TAOK3: variants seen among roughly 807,000 people sequenced by gnomAD.
TAOK3 encodes serine/threonine-protein kinase TAO3.
TAOK3 carries 40 observed loss-of-function variants against 120.4 expected under a neutral mutation model. The ratio of observed to expected loss-of-function variants is 0.33; its 90% CI spans 0.26 to 0.43. The LOEUF (loss-of-function observed/expected upper bound fraction) is 0.43. Among genes scored for constraint, TAOK3 ranks in the 20% least tolerant of loss-of-function variants. The pLI, the probability that TAOK3 is intolerant of heterozygous loss-of-function variation, is 1.00. For synonymous variants in TAOK3, 355 were observed against 387.5 expected, an observed-to-expected ratio of 0.92 and a Z score of 0.99; for missense variants, 821 against 1,112.1, an observed-to-expected ratio of 0.74 and a Z score of 3.72.
chr12:118,225,355 A>G (rs2039451186), intron 9 of TAOK3, among the ~76,000 whole-genome samples: 2 of 150,520 alleles, frequency 1.3e-5, no homozygotes, highest in South Asian at 4.2e-4. Flanking sequence ...ATCATTGCTT[A>G]GGGAATATTT....
intron 3 of TAOK3, 113 bp downstream of exon 3, chr12:118,255,335 C>T: frequency 1.7e-6 from 2 of 1,155,410 alleles, no homozygotes; most frequent in Non-Finnish European, 2.4e-6. Context: ...CTGGTCTTTC[C>T]TCCCACCTTG....
chr12:118,195,579 T>C (rs1351468910), intron 13 of TAOK3, among the ~76,000 whole-genome samples: 2 of 152,140 alleles, frequency 1.3e-5, no homozygotes, highest in Non-Finnish European at 1.5e-5. Flanking sequence ...ACAGACACTG[T>C]GCTACGTGGT....
chr12:118,297,850 G>C (rs2140640880), intron 1 of TAOK3, among the ~76,000 whole-genome samples: 1 of 152,272 alleles, frequency 6.6e-6, no homozygotes, highest in Non-Finnish European at 1.5e-5. Context: ...AGTACTCCCA[G>C]TCACTCAGGA....
intron 20 of TAOK3, 61 bp from the exon 21 acceptor site, chr12:118,151,219 C>A: frequency 6.4e-7 from 1 of 1,568,518 alleles, no homozygotes. Flanking sequence ...CCCACGTGCA[C>A]GCGATACACC....
intron 11 of TAOK3, among the ~76,000 whole-genome samples, chr12:118,208,057 T>C (rs769449230): frequency 7.9e-5 from 12 of 152,216 alleles, no homozygotes; most frequent in Non-Finnish European, 1.5e-4. Context: ...TAAGAAATGT[T>C]ATTGTCCATC....
chr12:118,245,884 AATATG>A (rs2140034739), intron 3 of TAOK3, among the ~76,000 whole-genome samples: 1 of 152,366 alleles, frequency 6.6e-6, no homozygotes, highest in African/African-American at 2.4e-5. Context: ...TAAATAAATA[AATATG>A]ATATGACCAT....
At position 118,150,823 on chromosome 12, in the gene TAOK3, C is replaced by G; in HGVS notation, c.*174G>C. On this transcript the variant is annotated 3_prime_UTR_variant, in exon 21 of 21. Coordinates refer to ENST00000392533, the MANE Select transcript of TAOK3 (RefSeq NM_016281.4). ...AGTTGACACGGGGGGAGGAAGGGGG[C>G]CCCTGATGGAGTAAGAATAAACAGG... 1.4e-6 allele frequency: 1 copy of G among 718,134 alleles called. No homozygotes were observed. The highest frequency in any genetic ancestry group is 2.2e-6 in the Non-Finnish European group (1 of 459,356). 44.5% of individuals were successfully genotyped at this position (718,134 alleles called of 1,614,324 possible).
intron 1 of TAOK3, among the ~76,000 whole-genome samples, chr12:118,351,713 G>A (rs1430800483): frequency 1.3e-5 from 2 of 151,936 alleles, no homozygotes; most frequent in African/African-American, 4.8e-5. Flanking sequence ...CTTGCCTAAT[G>A]GAATTCCCTA....
intron 9 of TAOK3, among the ~76,000 whole-genome samples, chr12:118,215,445 G>A (rs887607680): frequency 6.6e-6 from 1 of 151,676 alleles, no homozygotes; most frequent in Non-Finnish European, 1.5e-5. Context: ...CCGAGAGGCA[G>A]AGCTTGCAGT....
chr12:118,151,146 G>T lies in TAOK3; in HGVS notation c.2548C>A (p.Leu850Met). The change falls in exon 21 of 21, where the codon CTG (leucine) becomes ATG (methionine). Residue 850 changes from leucine (L) to methionine (M), a missense_variant. Physicochemically the swap from Leu to Met is conservative, Grantham distance 15. This residue lies in a region of TAOK3 where 354 missense variants were observed against 572.1 expected (regional missense o/e 0.62). Coordinates refer to ENST00000392533, the MANE Select transcript of TAOK3 (RefSeq NM_016281.4). Reference protein sequence around the residue: ...AHLEQKIEEELAALQKERSER... With the variant: ...AHLEQKIEEEMAALQKERSER... Reference sequence around the variant, plus strand: ...CTGCGTTCCTTCTGAAGGGCAGCCAGCTCCTCTTCAATCTGAAAGAAGCAC... The same window carrying T: ...CTGCGTTCCTTCTGAAGGGCAGCCATCTCCTCTTCAATCTGAAAGAAGCAC... The T allele has an allele frequency of 6.2e-7, 1 of 1,612,258 alleles. No individual in the cohort carries two copies.
chr12:118,180,838 C>A (rs1436581650), intron 15 of TAOK3, among the ~76,000 whole-genome samples: 3 of 151,632 alleles, frequency 2.0e-5, no homozygotes, highest in Admixed American at 6.6e-5. Context: ...TCAGAATATA[C>A]ATAAGTATAA....
intron 1 of TAOK3, among the ~76,000 whole-genome samples, chr12:118,276,634 G>A (rs920550051): frequency 8.6e-5 from 13 of 151,978 alleles, no homozygotes; most frequent in Non-Finnish European, 4.4e-5. Context: ...CTGGGGGGGC[G>A]GAGCTTGCAG....
intron 2 of TAOK3, chr12:118,255,923 A>T: frequency 6.4e-6 from 1 of 157,020 alleles, no homozygotes; most frequent in Admixed American, 6.5e-5. Context: ...TCTCTACTAA[A>T]AATACAAAAA....
rs998827113 is a variant in TAOK3 at position 118,330,769 on chromosome 12, A to T, written c.-194+41879T>A. On this transcript the variant is annotated intron_variant, in intron 1 of 20. Transcript: ENST00000392533. ...AAAGAAGAAAGAGGAGGACAAAAAA[A>T]AAAAAAGGTAGAAAGAGCCAGAAAG... 5.0e-4 allele frequency among the ~76,000 whole-genome samples: 76 copies of T among 152,182 alleles called. 1 individual carries two copies. The highest frequency in any genetic ancestry group is 1.0e-3 in the Non-Finnish European group (70 of 67,988).
chr12:118,340,915 C>G (rs1044278287), intron 1 of TAOK3, among the ~76,000 whole-genome samples: 1 of 151,930 alleles, frequency 6.6e-6, no homozygotes, highest in African/African-American at 2.4e-5. Context: ...TGCACGACAG[C>G]CTGGGCAGCA....
Position 118,243,947 on chromosome 12 carries a change from G to A in TAOK3, c.193-431C>T, listed in dbSNP as rs1038334049. 7.2e-5 allele frequency among the ~76,000 whole-genome samples: 11 copies of A among 152,270 alleles called. No homozygotes were observed. The East Asian group carries it at 2.1e-3, about 29-fold the overall frequency. ...GCCCACCTTGGCCTCCCAAAGTGCT[G>A]GGATCACAGGCGTGAGACACTGTGC... On this transcript the variant is annotated intron_variant, in intron 4 of 20. Transcript: ENST00000392533.
rs1025800956 is a variant in TAOK3 at position 118,264,020 on chromosome 12, T to C, written c.-89+2635A>G. ...GGTGGAAGTTGCAGTGAGCCAAGATTGTGCCATTGCACTCCAGCCTGGGCA... is the reference window on the plus strand; with the variant it reads ...GGTGGAAGTTGCAGTGAGCCAAGATCGTGCCATTGCACTCCAGCCTGGGCA... On this transcript the variant is annotated intron_variant, in intron 2 of 20. Transcript: ENST00000392533. 3.3e-5 allele frequency among the ~76,000 whole-genome samples: 5 copies of C among 152,166 alleles called. No homozygotes were observed. The East Asian group carries it at 9.6e-4, about 29-fold the overall frequency.
intron 19 of TAOK3, among the ~76,000 whole-genome samples, chr12:118,157,072 G>A (rs2034884839): frequency 6.6e-6 from 1 of 152,068 alleles, no homozygotes. Flanking sequence ...ACCAGAGACT[G>A]GAAGTCATCC....
At position 118,229,549 on chromosome 12, in the gene TAOK3, G is replaced by C. The variant is rs540491111; in HGVS notation, c.643+4125C>G. Among the ~76,000 whole-genome samples, 6 of 152,240 alleles carry C rather than the reference G, an allele frequency of 3.9e-5. No homozygotes were observed. The East Asian group carries it at 1.2e-3, about 29-fold the overall frequency. On this transcript the variant is annotated intron_variant, in intron 9 of 20. Transcript: ENST00000392533. ...TTACATGGTTTTATATTTTAAAGTA[G>C]TAAAAGTTATGATATTTATCATTAT...
Sources: allele counts gnomAD v4.1 joint callset (sites outside exome capture counted in the v4.1 genomes callset), GRCh38; gene constraint gnomAD v4.1.1; regional missense constraint gnomAD v4.1.1; transcripts MANE v1.5; gene names NCBI Gene and HGNC (gene_info 2026-07-23, HGNC 2026-07-21).